BMPR1B: variants seen among roughly 807,000 people sequenced by gnomAD.
BMPR1B encodes bone morphogenetic protein receptor type-1B.
Under a neutral mutation model 59.1 loss-of-function variants are expected in BMPR1B, and 12 were observed. That is an observed-to-expected ratio of 0.20 (90% CI 0.13 to 0.33). BMPR1B has a LOEUF of 0.33. Among genes scored for constraint, BMPR1B ranks in the 10% least tolerant of loss-of-function variants. The pLI is 1.00. For missense variants in BMPR1B, 550 were observed against 610.9 expected, an observed-to-expected ratio of 0.90 and a Z score of 1.05; for synonymous variants, 237 against 207.3, an observed-to-expected ratio of 1.14 and a Z score of -1.23.
chr4:95,091,975 T>A lies in BMPR1B; in HGVS notation c.-17-12433T>A, dbSNP rs1165908001. 4.6e-5 allele frequency among the ~76,000 whole-genome samples: 7 copies of A among 152,184 alleles called. No homozygotes were observed. The South Asian group carries it at 8.3e-4, about 18-fold the overall frequency. Reference sequence around the variant, plus strand: ...CACTGTCAAGGTTAAAATCAAGTGTTGTGGTTGTATAAAGGTCTTGTGGTT... The same window carrying A: ...CACTGTCAAGGTTAAAATCAAGTGTAGTGGTTGTATAAAGGTCTTGTGGTT... On this transcript the variant is annotated intron_variant, in intron 3 of 12. Coordinates refer to ENST00000515059, the MANE Select transcript of BMPR1B (RefSeq NM_001203.3).
intron 2 of BMPR1B, among the ~76,000 whole-genome samples, chr4:94,902,129 G>C (rs1381944691): frequency 1.4e-5 from 2 of 139,774 alleles, no homozygotes; most frequent in Admixed American, 7.3e-5. Context: ...CCTCTCTTGA[G>C]TAATTAATAA....
chr4:95,102,825 T>A (rs1270716490), intron 3 of BMPR1B, among the ~76,000 whole-genome samples: 1 of 152,078 alleles, frequency 6.6e-6, no homozygotes, highest in Admixed American at 6.6e-5. Flanking sequence ...GGATTACATA[T>A]TATTTGCTTA....
chr4:95,014,660 A>T (rs1428427773), intron 3 of BMPR1B, among the ~76,000 whole-genome samples: 1 of 152,220 alleles, frequency 6.6e-6, no homozygotes, highest in African/African-American at 2.4e-5. Flanking sequence ...TTATAATATC[A>T]GAATTCTAAA....
chr4:94,895,776 T>G (rs1727562227), intron 2 of BMPR1B, among the ~76,000 whole-genome samples: 1 of 151,924 alleles, frequency 6.6e-6, no homozygotes, highest in South Asian at 2.1e-4. Context: ...TAGAATCATC[T>G]TGTTAGTATT....
At chr4:94,812,305 TTGGCC>T (rs903437111) in intron 1 of BMPR1B, among the ~76,000 whole-genome samples, 2 of 152,184 alleles carry the variant, frequency 1.3e-5, no homozygotes, top group African/African-American at 4.8e-5. Flanking sequence ...ACATATCCAC[TTGGCC>T]TTGAAAAAAT....
At chr4:94,851,866 A>ACCTGTCTGT (rs1725579641) in intron 1 of BMPR1B, among the ~76,000 whole-genome samples, 1 of 152,124 alleles carries the variant, frequency 6.6e-6, no homozygotes, top group Non-Finnish European at 1.5e-5. Context: ...CTAGATTTAA[A>ACCTGTCTGT]ACTGTCTGTA....
chr4:95,139,293 C>A (rs899397183), intron 10 of BMPR1B, among the ~76,000 whole-genome samples: 1 of 152,142 alleles, frequency 6.6e-6, no homozygotes. Context: ...CTCAGAGGGG[C>A]ACCTGGCTGT....
At chr4:94,924,092 A>AT (rs1450230945) in intron 2 of BMPR1B, among the ~76,000 whole-genome samples, 1 of 151,924 alleles carries the variant, frequency 6.6e-6, no homozygotes, top group South Asian at 2.1e-4. Context: ...TCCGAGGAGT[A>AT]TTTTTTCCCT....
intron 3 of BMPR1B, among the ~76,000 whole-genome samples, chr4:95,017,109 C>T (rs1269253666): frequency 1.3e-5 from 2 of 152,212 alleles, no homozygotes; most frequent in East Asian, 1.9e-4. Context: ...CCACTGTGTA[C>T]TCTTTCCTTA....
rs117454698 is a variant in BMPR1B at position 94,771,034 on chromosome 4, A to C, written c.-183+12966A>C. ...AAGTAATTATAACACGAAATTAGGG[A>C]AACGTGAGGGGCTGTGGATAAAAGA... On this transcript the variant is annotated intron_variant, in intron 1 of 12. Transcript: ENST00000515059. 2.1e-3 allele frequency among the ~76,000 whole-genome samples: 315 copies of C among 152,318 alleles called. 12 individuals carry two copies. In the East Asian group the frequency reaches 0.052, roughly 25 times the overall value.
Position 94,839,660 on chromosome 4 carries a change from A to C in BMPR1B, c.-182-36171A>C, listed in dbSNP as rs1054722832. On this transcript the variant is annotated intron_variant, in intron 1 of 12. Transcript: ENST00000515059. ...ATTTTGAGCCTATGTGTGTCTCTGCACGTGAGATGGGTTTCCTGAATGCAG... is the reference window on the plus strand; with the variant it reads ...ATTTTGAGCCTATGTGTGTCTCTGCCCGTGAGATGGGTTTCCTGAATGCAG... Among the ~76,000 whole-genome samples, 63 of 144,938 alleles carry C rather than the reference A, an allele frequency of 4.3e-4. 1 individual carries two copies. Among genetic ancestry groups the C allele is most frequent in the Middle Eastern group, 3.5e-3 (1 of 284 alleles).
At chr4:95,044,262 A>C (rs1055736424) in intron 3 of BMPR1B, among the ~76,000 whole-genome samples, 3 of 152,154 alleles carry the variant, frequency 2.0e-5, no homozygotes, top group Non-Finnish European at 4.4e-5. Context: ...GGTCTCCCCA[A>C]ATATATTGTG....
chr4:95,015,697 A>ATT (rs36121172), intron 3 of BMPR1B, among the ~76,000 whole-genome samples: 173 of 145,048 alleles, frequency 1.2e-3, no homozygotes, highest in African/African-American at 3.8e-3. Context: ...CTGGAACATC[A>ATT]TTTTTTTTTT....
chr4:94,913,527 T>C (rs1411177197), intron 2 of BMPR1B, among the ~76,000 whole-genome samples: 1 of 152,198 alleles, frequency 6.6e-6, no homozygotes, highest in Non-Finnish European at 1.5e-5. Context: ...TTTGCTTTGC[T>C]TTCTCCAGAG....
intron 2 of BMPR1B, among the ~76,000 whole-genome samples, chr4:94,933,026 A>T (rs549894586): frequency 6.6e-6 from 1 of 152,220 alleles, no homozygotes; most frequent in South Asian, 2.1e-4. Context: ...CCACTACCCA[A>T]AGATAACCTC....
chr4:94,952,513 A>G (rs1729986810), intron 2 of BMPR1B, among the ~76,000 whole-genome samples: 1 of 152,140 alleles, frequency 6.6e-6, no homozygotes, highest in East Asian at 1.9e-4. Context: ...TAATTTCGTT[A>G]GTTACCTAGT....
chr4:94,823,984 G>A (rs1724298310), intron 1 of BMPR1B, among the ~76,000 whole-genome samples: 1 of 152,128 alleles, frequency 6.6e-6, no homozygotes, highest in Non-Finnish European at 1.5e-5. Flanking sequence ...CTGACCTTGC[G>A]ATCCACCCGC....
chr4:94,857,175 G>A (rs1337418502), intron 1 of BMPR1B, among the ~76,000 whole-genome samples: 1 of 152,066 alleles, frequency 6.6e-6, no homozygotes, highest in Admixed American at 6.6e-5. Context: ...AAATGCAAAT[G>A]TCTGATAAAA....
chr4:94,911,077 C>G (rs1406323833), intron 2 of BMPR1B, among the ~76,000 whole-genome samples: 1 of 152,124 alleles, frequency 6.6e-6, no homozygotes, highest in Non-Finnish European at 1.5e-5. Context: ...CTAATGTATT[C>G]ATAAAAACTA....
Sources: gnomAD v4.1 joint callset for allele counts (sites outside exome capture counted in the v4.1 genomes callset) on GRCh38, gnomAD v4.1.1 for gene constraint, MANE v1.5 for transcripts, NCBI Gene and HGNC (gene_info 2026-07-23, HGNC 2026-07-21) for gene names.